The following RBFOX1 variants were observed in gnomAD, a reference collection of about 807,000 sequenced individuals.
RBFOX1 encodes the protein RNA binding protein fox-1 homolog 1.
In RBFOX1, 8 loss-of-function variants were observed where a neutral mutation model predicts 57.7. That is an observed-to-expected ratio of 0.14 (90% CI 0.08 to 0.25). The LOEUF (loss-of-function observed/expected upper bound fraction) is 0.25. Ranked by LOEUF, RBFOX1 falls within the 10% of genes least tolerant of loss-of-function variation. The pLI is 1.00. For missense variants in RBFOX1, 611 were observed against 548.5 expected, an observed-to-expected ratio of 1.11 and a Z score of -1.14; for synonymous variants, 326 against 222.4, an observed-to-expected ratio of 1.47 and a Z score of -4.15.
chr16:5,740,497 A>G (rs770253121), intron 3 of RBFOX1, among the ~76,000 whole-genome samples: 55 of 152,342 alleles, frequency 3.6e-4, no homozygotes, highest in Admixed American at 6.5e-4. Context: ...TAGCAAACTC[A>G]TGGATCAGTT....
chr16:5,874,031 C>T (rs1325846876), intron 4 of RBFOX1, among the ~76,000 whole-genome samples: 1 of 152,156 alleles, frequency 6.6e-6, no homozygotes, highest in East Asian at 1.9e-4. Context: ...GGCCCAGCAT[C>T]CTCATGGAAA....
intron 4 of RBFOX1, among the ~76,000 whole-genome samples, chr16:7,305,874 C>T (rs1338770929): frequency 6.6e-6 from 1 of 152,132 alleles, no homozygotes; most frequent in Non-Finnish European, 1.5e-5. Context: ...GTATTGATAA[C>T]ATATTATATG....
intron 4 of RBFOX1, among the ~76,000 whole-genome samples, chr16:7,133,482 G>C (rs1428585985): frequency 6.6e-6 from 1 of 152,134 alleles, no homozygotes; most frequent in Non-Finnish European, 1.5e-5. Context: ...AGGCAATTCA[G>C]TAATTTTGGT....
At chr16:7,181,862 C>T (rs1463419311) in intron 4 of RBFOX1, among the ~76,000 whole-genome samples, 1 of 152,026 alleles carries the variant, frequency 6.6e-6, no homozygotes, top group African/African-American at 2.4e-5. Flanking sequence ...TACCCGGGCC[C>T]CAGAGGAGAG....
Position 6,838,636 on chromosome 16 carries a change from C to T in RBFOX1, c.-16+183986C>T, listed in dbSNP as rs116526098. On this transcript the variant is annotated intron_variant, in intron 3 of 15. Transcript: ENST00000550418. The stretch of plus-strand genomic sequence containing the variant: ...CACTTAAGTAAAAGTTGCTGTCTAA[C>T]ACCACTGGTTTGTCCTAGAATTCTT... 2.0e-3 allele frequency among the ~76,000 whole-genome samples: 309 copies of T among 152,306 alleles called. 3 individuals are homozygous for T. Among genetic ancestry groups the T allele is most frequent in the African/African-American group, 7.0e-3 (290 of 41,566 alleles).
chr16:6,178,977 A>T (rs1161676536), intron 1 of RBFOX1, among the ~76,000 whole-genome samples: 1 of 152,312 alleles, frequency 6.6e-6, no homozygotes, highest in East Asian at 1.9e-4. Flanking sequence ...AGTTGTCTCA[A>T]TTGGGAAGGA....
chr16:6,790,888 T>G (rs567955886), intron 3 of RBFOX1, among the ~76,000 whole-genome samples: 1 of 152,056 alleles, frequency 6.6e-6, no homozygotes, highest in African/African-American at 2.4e-5. Context: ...ATGGTATTTG[T>G]GTGGTTTATT....
Position 6,484,709 on chromosome 16 carries a change from C to T in RBFOX1, c.-64+167652C>T, listed in dbSNP as rs556758941. Among the ~76,000 whole-genome samples, 6 of 152,284 alleles carry T rather than the reference C, an allele frequency of 3.9e-5. No homozygotes were observed. In the South Asian group the frequency reaches 1.2e-3, roughly 32 times the overall value. On this transcript the variant is annotated intron_variant, in intron 2 of 15. Coordinates refer to ENST00000550418, the MANE Select transcript of RBFOX1 (RefSeq NM_018723.4). ...TTTGACAAAAGAGCTGCGTTTTCCACCTTCCTACTTAAGAGGGCTCCAAGC... is the reference window on the plus strand; with the variant it reads ...TTTGACAAAAGAGCTGCGTTTTCCATCTTCCTACTTAAGAGGGCTCCAAGC...
intron 3 of RBFOX1, among the ~76,000 whole-genome samples, chr16:7,040,129 T>G (rs1296769271): frequency 6.6e-6 from 1 of 152,046 alleles, no homozygotes; most frequent in African/African-American, 2.4e-5. Context: ...CAAGCAATTC[T>G]CCTGCCTCAG....
At position 7,044,190 on chromosome 16, in the gene RBFOX1, G is replaced by A. The variant is rs866406903; in HGVS notation, c.-15-7867G>A. Among the ~76,000 whole-genome samples, 12 of 152,040 alleles carry A rather than the reference G, an allele frequency of 7.9e-5. 1 individual carries two copies. The highest frequency in any genetic ancestry group is 1.4e-4 in the African/African-American group (6 of 41,422). ...ATGTATATGTGCATGTGTGGGTATG[G>A]GTGTGTATGTGTGTGAGTAAATATA... On this transcript the variant is annotated intron_variant, in intron 3 of 15. Coordinates refer to ENST00000550418, the MANE Select transcript of RBFOX1 (RefSeq NM_018723.4).
intron 5 of RBFOX1, among the ~76,000 whole-genome samples, chr16:7,535,127 A>G (rs565566664): frequency 1.3e-5 from 2 of 152,318 alleles, no homozygotes; most frequent in East Asian, 1.9e-4. Context: ...GTGCATGGCT[A>G]TGATGCTATG....
chr16:6,187,312 G>C (rs1176729816), intron 1 of RBFOX1, among the ~76,000 whole-genome samples: 1 of 152,070 alleles, frequency 6.6e-6, no homozygotes, highest in African/African-American at 2.4e-5. Flanking sequence ...GCCATGAGAG[G>C]AGGAAAGAGT....
At chr16:6,916,730 G>C (rs571110749) in intron 3 of RBFOX1, among the ~76,000 whole-genome samples, 1 of 152,190 alleles carries the variant, frequency 6.6e-6, no homozygotes, top group African/African-American at 2.4e-5. Context: ...TCTTGCATAA[G>C]CTCGGATTAC....
chr16:6,435,529 C>T lies in RBFOX1; in HGVS notation c.-64+118472C>T, dbSNP rs557339886. ...ATGTTGGCCAGGCTCGCCTTGAACTCCTTACCTTCGGTGATCCACTTGCCT... is the reference window on the plus strand; with the variant it reads ...ATGTTGGCCAGGCTCGCCTTGAACTTCTTACCTTCGGTGATCCACTTGCCT... On this transcript the variant is annotated intron_variant, in intron 2 of 15. Transcript: ENST00000550418. Among the ~76,000 whole-genome samples the T allele has an allele frequency of 2.0e-5, 3 of 152,252 alleles. No homozygotes were observed. In the South Asian group the frequency reaches 6.2e-4, roughly 32 times the overall value.
intron 4 of RBFOX1, among the ~76,000 whole-genome samples, chr16:7,253,858 A>C (rs559414271): frequency 1.3e-5 from 2 of 152,242 alleles, no homozygotes; most frequent in South Asian, 4.2e-4. Flanking sequence ...GCTCTTGAGA[A>C]ATGCATATTG....
chr16:6,391,504 C>T lies in RBFOX1; in HGVS notation c.-64+74447C>T, dbSNP rs1313356339. On this transcript the variant is annotated intron_variant, in intron 2 of 15. Transcript: ENST00000550418. ...CAGCCTGGGCAACAGAACAAGACTCCGTCTCAAAAAAAAAAAAAAAGAAAA... is the reference window on the plus strand; with the variant it reads ...CAGCCTGGGCAACAGAACAAGACTCTGTCTCAAAAAAAAAAAAAAAGAAAA... Among the ~76,000 whole-genome samples the T allele has an allele frequency of 7.7e-5, 11 of 143,320 alleles. No homozygotes were observed. The South Asian group carries it at 1.1e-3, about 14-fold the overall frequency. 94.0% of individuals were successfully genotyped at this position (143,320 alleles called of 152,430 possible). A position where few individuals can be genotyped will look rare whatever the true frequency, so the allele number is the denominator to read the frequency against.
chr16:6,158,834 T>G (rs1597893952), intron 1 of RBFOX1, among the ~76,000 whole-genome samples: 1 of 152,094 alleles, frequency 6.6e-6, no homozygotes, highest in Admixed American at 6.6e-5. Flanking sequence ...TAAGAGAGAA[T>G]AGACAGGCAC....
At chr16:5,286,789 A>G (rs1329164908) in intron 1 of RBFOX1, among the ~76,000 whole-genome samples, 1 of 152,222 alleles carries the variant, frequency 6.6e-6, no homozygotes, top group Non-Finnish European at 1.5e-5. Flanking sequence ...CAGTGGTACC[A>G]TCGTAGCCTA....
At chr16:6,707,921 G>T (rs1165878790) in intron 3 of RBFOX1, among the ~76,000 whole-genome samples, 1 of 152,174 alleles carries the variant, frequency 6.6e-6, no homozygotes, top group South Asian at 2.1e-4. Context: ...GGAAGATTCA[G>T]GGAATGGAGT....
Sources: allele counts gnomAD v4.1 joint callset (sites outside exome capture counted in the v4.1 genomes callset), GRCh38; gene constraint gnomAD v4.1.1; transcripts MANE v1.5; gene names NCBI Gene and HGNC (gene_info 2026-07-23, HGNC 2026-07-21).